The following MAP1B variants were observed in gnomAD, a reference collection of about 807,000 sequenced individuals.
The protein encoded by MAP1B is microtubule-associated protein 1B.
MAP1B carries 12 observed loss-of-function variants against 176.1 expected under a neutral mutation model. That is an observed-to-expected ratio of 0.07 (90% confidence interval 0.04 to 0.11). The LOEUF (loss-of-function observed/expected upper bound fraction) is 0.11, where lower values mean the gene tolerates loss of function less well. Ranked by LOEUF, MAP1B falls within the 10% of genes least tolerant of loss-of-function variation. The pLI is 1.00. For synonymous variants in MAP1B, 1,044 were observed against 1,135.0 expected (o/e 0.92, Z 1.61); for missense variants, 2,523 against 2,990.5 (o/e 0.84, Z 3.65).
At chr5:72,181,499 A>T (rs2112209067) in intron 2 of MAP1B, among the ~76,000 whole-genome samples, 1 of 152,316 alleles carries the variant, frequency 6.6e-6, no homozygotes, top group South Asian at 2.1e-4. Flanking sequence ...CTATTTTTAA[A>T]TGTACAACTT....
rs767578125 is a variant in MAP1B at position 72,198,766 on chromosome 5, C to A, written c.5411C>A (p.Thr1804Asn). Residue 1804 changes from threonine to asparagine, a missense_variant, in exon 5 of 7, where the codon ACC (threonine) becomes AAC (asparagine). Physicochemically the swap from Thr to Asn is moderately conservative, Grantham distance 65 (BLOSUM62 0). This residue lies in a region of MAP1B where 1,925 missense variants were observed against 2,126.0 expected (regional missense o/e 0.91). Coordinates refer to ENST00000296755, the MANE Select transcript of MAP1B (RefSeq NM_005909.5). The part of the protein sequence containing the change: ...PLYSPTFSDS[T>N]SAVKEKTATC... ...TATTCACCTACTTTTTCAGATTCTA[C>A]CTCTGCAGTCAAAGAGAAAACAGCA... is the stretch of plus-strand genomic sequence containing the variant. 89 of 1,614,038 alleles carry A rather than the reference C, an allele frequency of 5.5e-5. No homozygotes were observed. The South Asian group carries it at 6.9e-4, about 13-fold the overall frequency.
chr5:72,148,087 A>G (rs969390639), intron 2 of MAP1B, among the ~76,000 whole-genome samples: 1 of 152,224 alleles, frequency 6.6e-6, no homozygotes, highest in Non-Finnish European at 1.5e-5. Context: ...TACATTGATT[A>G]AGTATAAATT....
At chr5:72,172,336 C>T (rs1457315941) in intron 2 of MAP1B, among the ~76,000 whole-genome samples, 1 of 152,198 alleles carries the variant, frequency 6.6e-6, no homozygotes, top group Non-Finnish European at 1.5e-5. Flanking sequence ...TACTATTTCT[C>T]CCTGGCCTAG....
intron 2 of MAP1B, among the ~76,000 whole-genome samples, chr5:72,127,096 C>T (rs1745644141): frequency 6.6e-6 from 1 of 152,206 alleles, no homozygotes; most frequent in Admixed American, 6.5e-5. Flanking sequence ...GAAGATTGAA[C>T]CTCAAGAGTT....
intron 2 of MAP1B, among the ~76,000 whole-genome samples, chr5:72,123,214 T>C (rs572689490): frequency 3.3e-5 from 5 of 152,370 alleles, no homozygotes; most frequent in Non-Finnish European, 2.9e-5. Flanking sequence ...TTTCCCACTG[T>C]TTATAATTTT....
intron 2 of MAP1B, among the ~76,000 whole-genome samples, chr5:72,163,930 C>CTTTTTTTT (rs869167918): frequency 6.9e-5 from 3 of 43,698 alleles, no homozygotes; most frequent in African/African-American, 1.2e-4. Context: ...TTTTTTTTTT[C>CTTTTTTTT]TTTTTTTTTT....
Position 72,205,123 on chromosome 5 carries a change from G to A in MAP1B, c.7291G>A (p.Glu2431Lys), listed in dbSNP as rs372896582. 2 of 1,613,718 alleles carry A rather than the reference G, an allele frequency of 1.2e-6. No homozygotes were observed. Among genetic ancestry groups the A allele is most frequent in the African/African-American group, 2.7e-5 (2 of 74,832 alleles). The change falls in exon 7 of 7, where the codon GAA (glutamate) becomes AAA (lysine). Residue 2431 changes from glutamate (E) to lysine (K), a missense_variant. Glu to Lys is a moderately conservative substitution (Grantham distance 56, BLOSUM62 1). Around this residue, in one of 4 missense-constraint regions of MAP1B, gnomAD observed 287 missense variants for 401.5 expected, o/e 0.71. Coordinates refer to ENST00000296755, the MANE Select transcript of MAP1B (RefSeq NM_005909.5). ...IPTHDSEVMR[E>K]WYQETHEKQQ... Reference sequence around the variant, plus strand: ...AACTCATGACTCAGAAGTGATGAGGGAATGGTACCAGGAGACCCATGAGAA... The same window carrying A: ...AACTCATGACTCAGAAGTGATGAGGAAATGGTACCAGGAGACCCATGAGAA...
rs1746908771 is a variant in MAP1B at position 72,186,802 on chromosome 5, T to C, written c.510+48T>C. 5 of 1,607,594 alleles carry C rather than the reference T, an allele frequency of 3.1e-6. No homozygotes were observed. The East Asian group carries it at 1.1e-4, about 36-fold the overall frequency. ...CTGTGCTTCTAGTGGCTTGGTTGCC[T>C]TAGGTTCCTCTTTGAGAGCACTGGG... On this transcript the variant is annotated intron_variant, in intron 4 of 6. Coordinates refer to ENST00000296755, the MANE Select transcript of MAP1B (RefSeq NM_005909.5). This position sits in a 1 kb window ranked among gnomAD's most constrained non-coding sequence, Gnocchi z 4.3.
At chr5:72,169,668 A>G (rs1746497668) in intron 2 of MAP1B, 1 of 154,384 alleles carries the variant, frequency 6.5e-6, no homozygotes, top group Non-Finnish European at 1.5e-5. Flanking sequence ...TGTGAGATTT[A>G]CATAGAAATT....
intron 2 of MAP1B, among the ~76,000 whole-genome samples, chr5:72,164,120 A>T: frequency 6.6e-6 from 1 of 151,398 alleles, no homozygotes; most frequent in Non-Finnish European, 1.5e-5. Context: ...TTGTAGAGGC[A>T]GAGTCTTGTT....
At chr5:72,115,537 C>T (rs1745416906) in intron 1 of MAP1B, among the ~76,000 whole-genome samples, 161 bp from the exon 2 acceptor site, 1 of 152,172 alleles carries the variant, frequency 6.6e-6, no homozygotes, top group East Asian at 1.9e-4. Flanking sequence ...CCTCCCTGGC[C>T]CTCCCATTTT....
At chr5:72,173,582 C>T (rs540271325) in intron 2 of MAP1B, among the ~76,000 whole-genome samples, 4 of 152,250 alleles carry the variant, frequency 2.6e-5, no homozygotes, top group South Asian at 4.2e-4. Context: ...TAGCTGATAT[C>T]GGTAATCTTT....
intron 2 of MAP1B, among the ~76,000 whole-genome samples, chr5:72,162,610 G>A (rs1346644526): frequency 6.6e-6 from 1 of 152,192 alleles, no homozygotes; most frequent in East Asian, 1.9e-4. Flanking sequence ...AAATAAAGAT[G>A]TTCACATGGG....
rs1362012444 is a variant in MAP1B, at chr5:72,197,395, A to G, written c.4040A>G (p.His1347Arg). The change falls in exon 5 of 7, where the codon CAT becomes CGT. Residue 1347 changes from histidine (H) to arginine (R), a missense_variant. Physicochemically the swap from His to Arg is conservative, Grantham distance 29. Coordinates refer to ENST00000296755, the MANE Select transcript of MAP1B (RefSeq NM_005909.5). ...TCTCCTACTGACGAGAAATCCAGTC[A>G]TCTCCCTACAGAAGTCATTGAAAAA... Reference protein sequence around the residue: ...YQSPTDEKSSHLPTEVIEKPP... With the variant: ...YQSPTDEKSSRLPTEVIEKPP... 3.1e-6 allele frequency: 5 copies of G among 1,614,066 alleles called. No individual in the cohort carries two copies. Among genetic ancestry groups the G allele is most frequent in the African/African-American group, 1.3e-5 (1 of 74,906 alleles).
intron 2 of MAP1B, among the ~76,000 whole-genome samples, chr5:72,120,958 C>T (rs1419147689): frequency 6.6e-6 from 1 of 152,320 alleles, no homozygotes; most frequent in Non-Finnish European, 1.5e-5. Context: ...CTCAGAGAAA[C>T]GACTGCTTTC....
Position 72,195,046 on chromosome 5 carries a change from A to G in MAP1B, c.1691A>G (p.Glu564Gly). Residue 564 changes from glutamate to glycine, a missense_variant, in exon 5 of 7, where the codon GAA (glutamate) becomes GGA (glycine). This residue lies in a region of MAP1B where 1,925 missense variants were observed against 2,126.0 expected (regional missense o/e 0.91). Coordinates refer to ENST00000296755, the MANE Select transcript of MAP1B (RefSeq NM_005909.5). Reference sequence around the variant, plus strand: ...TCCGTGCGCAAGGAGTCAAAAGAAGAAACCCCTGAGGTCACAAAAGTGAAT... The same window carrying G: ...TCCGTGCGCAAGGAGTCAAAAGAAGGAACCCCTGAGGTCACAAAAGTGAAT... ...SKSVRKESKE[E>G]TPEVTKVNHV... 6.2e-7 allele frequency: 1 copy of G among 1,614,120 alleles called. No homozygotes were observed. Among genetic ancestry groups the G allele is most frequent in the South Asian group, 1.1e-5 (1 of 91,060 alleles).
chr5:72,183,135 G>C (rs1357249204), intron 2 of MAP1B, among the ~76,000 whole-genome samples: 1 of 152,148 alleles, frequency 6.6e-6, no homozygotes, highest in Non-Finnish European at 1.5e-5. Context: ...GAGGCAGTTT[G>C]GCCACCCTGT....
chr5:72,116,576 C>G, intron 2 of MAP1B: 1 of 278,788 alleles, frequency 3.6e-6, no homozygotes, highest in Non-Finnish European at 7.0e-6. Flanking sequence ...ATCTCGTCTT[C>G]TTCTTGTGAG....
intron 1 of MAP1B, among the ~76,000 whole-genome samples, chr5:72,109,798 C>G (rs1044503778): frequency 6.6e-6 from 1 of 152,218 alleles, no homozygotes; most frequent in Non-Finnish European, 1.5e-5. Flanking sequence ...GTTTTCAGGG[C>G]TTGCCTTTGT....
Sources: gnomAD v4.1 joint callset for allele counts (sites outside exome capture counted in the v4.1 genomes callset) on GRCh38, gnomAD v4.1.1 for gene constraint, gnomAD v4.1.1 regional missense constraint, Gnocchi (gnomAD v3.1) non-coding constraint, MANE v1.5 for transcripts, NCBI Gene and HGNC (gene_info 2026-07-23, HGNC 2026-07-21) for gene names.